The following NKAIN2 variants were observed in gnomAD, a reference collection of about 807,000 sequenced individuals.
NKAIN2 encodes sodium/potassium transporting ATPase interacting 2.
In NKAIN2, 14 loss-of-function variants were observed where a neutral mutation model predicts 32.6. The observed-to-expected ratio is 0.43, with a 90% CI of 0.28 to 0.67. NKAIN2 has a LOEUF of 0.67. Among genes scored for constraint, NKAIN2 ranks in the 30% least tolerant of loss-of-function variants. The pLI is 0.17. For synonymous variants in NKAIN2, 80 were observed against 87.2 expected (o/e 0.92, Z 0.46); for missense variants, 198 against 258.3 (o/e 0.77, Z 1.60).
At chr6:123,833,690 C>CTTGTGT (rs1774480734) in intron 1 of NKAIN2, among the ~76,000 whole-genome samples, 1 of 76,100 alleles carries the variant, frequency 1.3e-5, no homozygotes, top group Non-Finnish European at 2.7e-5. Flanking sequence ...AATTTTTTTT[C>CTTGTGT]CTGTGTGTGT....
chr6:124,413,408 T>A (rs1487330908), intron 3 of NKAIN2, among the ~76,000 whole-genome samples: 1 of 152,172 alleles, frequency 6.6e-6, no homozygotes, highest in African/African-American at 2.4e-5. Flanking sequence ...GTAGGTCTAT[T>A]TGATCTCACT....
intron 1 of NKAIN2, among the ~76,000 whole-genome samples, chr6:123,968,691 A>G (rs1390573182): frequency 3.3e-5 from 5 of 152,110 alleles, no homozygotes; most frequent in Non-Finnish European, 1.5e-5. Context: ...AACTTATATC[A>G]TTGCCTGAAG....
rs559528669 is a variant in NKAIN2 at position 124,215,177 on chromosome 6, T to G, written c.55-67828T>G. ...AAAGAGCACTTTAGAACTCAAATAT[T>G]TGGCCATTTATATTTTAAAAATCAA... is the stretch of plus-strand genomic sequence containing the variant. On this transcript the variant is annotated intron_variant, in intron 1 of 6. Transcript: ENST00000368417. Among the ~76,000 whole-genome samples the G allele has an allele frequency of 5.3e-5, 8 of 152,266 alleles. No individual in the cohort carries two copies. The South Asian group carries it at 1.2e-3, about 24-fold the overall frequency.
intron 3 of NKAIN2, among the ~76,000 whole-genome samples, chr6:124,554,277 G>A (rs1022913446): frequency 5.9e-5 from 9 of 152,256 alleles, no homozygotes; most frequent in African/African-American, 1.4e-4. Flanking sequence ...CAGACATTTC[G>A]TAGAAGACTT....
At chr6:124,515,376 G>C (rs1778864291) in intron 3 of NKAIN2, among the ~76,000 whole-genome samples, 1 of 151,954 alleles carries the variant, frequency 6.6e-6, no homozygotes. Context: ...AGGGGATTCT[G>C]GTTGTTTAAA....
At chr6:124,573,134 C>T (rs574683974) in intron 3 of NKAIN2, among the ~76,000 whole-genome samples, 1 of 152,164 alleles carries the variant, frequency 6.6e-6, no homozygotes, top group Non-Finnish European at 1.5e-5. Context: ...GCCACCACGC[C>T]CGGCCAAAAA....
chr6:124,175,063 A>G lies in NKAIN2; in HGVS notation c.55-107942A>G, dbSNP rs551155887. 1.2e-4 allele frequency among the ~76,000 whole-genome samples: 18 copies of G among 152,316 alleles called. No homozygotes were observed. The East Asian group carries it at 3.1e-3, about 26-fold the overall frequency. On this transcript the variant is annotated intron_variant, in intron 1 of 6. Coordinates refer to ENST00000368417, the MANE Select transcript of NKAIN2 (RefSeq NM_001040214.3). ...TAAAATAAGGCCATTTTCAGTTGTA[A>G]TAATAAATAGAAAGTGTGTTTTTAA...
chr6:124,078,786 T>TGTG (rs1783815294), intron 1 of NKAIN2, among the ~76,000 whole-genome samples: 28 of 144,734 alleles, frequency 1.9e-4, no homozygotes, highest in African/African-American at 6.7e-4. Context: ...TATGTCGTTT[T>TGTG]TGTGTGTGTG....
intron 3 of NKAIN2, among the ~76,000 whole-genome samples, chr6:124,474,905 TTATATAC>T (rs1188492216): frequency 1.4e-5 from 2 of 146,968 alleles, no homozygotes; most frequent in Non-Finnish European, 3.0e-5. Flanking sequence ...ATGTATCATA[TTATATAC>T]TATATATGTA....
intron 2 of NKAIN2, among the ~76,000 whole-genome samples, chr6:124,321,548 T>G (rs555660500): frequency 1.3e-5 from 2 of 152,290 alleles, no homozygotes; most frequent in Non-Finnish European, 2.9e-5. Context: ...AGGAACCTCT[T>G]TTATATTCCT....
At chr6:124,092,666 G>A (rs979729607) in intron 1 of NKAIN2, among the ~76,000 whole-genome samples, 2 of 151,830 alleles carry the variant, frequency 1.3e-5, no homozygotes, top group African/African-American at 2.4e-5. Flanking sequence ...TCTTGATGGG[G>A]TAAGATGATA....
chr6:123,876,775 T>A (rs1773191168), intron 1 of NKAIN2, among the ~76,000 whole-genome samples: 1 of 152,244 alleles, frequency 6.6e-6, no homozygotes, highest in Admixed American at 6.5e-5. Context: ...GGCCATCTGC[T>A]TTTCTCAGTC....
intron 1 of NKAIN2, among the ~76,000 whole-genome samples, chr6:124,150,072 C>T (rs569693456): frequency 7.2e-5 from 11 of 152,282 alleles, no homozygotes; most frequent in African/African-American, 2.6e-4. Flanking sequence ...ATTCCTTGCG[C>T]TCTGCCTCAG....
At chr6:124,487,700 C>A (rs1300338781) in intron 3 of NKAIN2, among the ~76,000 whole-genome samples, 1 of 152,014 alleles carries the variant, frequency 6.6e-6, no homozygotes, top group Non-Finnish European at 1.5e-5. Context: ...CTTTATATTT[C>A]TTATTTCCTG....
intron 4 of NKAIN2, among the ~76,000 whole-genome samples, chr6:124,763,131 T>A (rs1262149631): frequency 6.6e-6 from 1 of 152,090 alleles, no homozygotes; most frequent in Non-Finnish European, 1.5e-5. Context: ...AAAATGGGGT[T>A]GGGGGAAAGC....
chr6:124,286,817 G>T (rs1795577966), intron 2 of NKAIN2, among the ~76,000 whole-genome samples: 1 of 152,018 alleles, frequency 6.6e-6, no homozygotes, highest in South Asian at 2.1e-4. Context: ...AAGTAGCTGG[G>T]ACTACAGGCG....
At chr6:124,430,548 G>A (rs528187676) in intron 3 of NKAIN2, among the ~76,000 whole-genome samples, 1 of 152,102 alleles carries the variant, frequency 6.6e-6, no homozygotes, top group East Asian at 1.9e-4. Flanking sequence ...AAATAGCCAG[G>A]GGCTGAAACA....
chr6:123,903,075 C>T (rs1236301711), intron 1 of NKAIN2, among the ~76,000 whole-genome samples: 1 of 152,142 alleles, frequency 6.6e-6, no homozygotes, highest in Non-Finnish European at 1.5e-5. Context: ...GTAGTAACAG[C>T]AATGAATTAT....
chr6:124,819,965 ATC>A (rs1781325313), intron 6 of NKAIN2, among the ~76,000 whole-genome samples: 1 of 152,144 alleles, frequency 6.6e-6, no homozygotes. Context: ...AACAAACATC[ATC>A]TTTTTTCCAA....
Sources: allele counts gnomAD v4.1 joint callset (sites outside exome capture counted in the v4.1 genomes callset), GRCh38; gene constraint gnomAD v4.1.1; transcripts MANE v1.5; gene names NCBI Gene and HGNC (gene_info 2026-07-23, HGNC 2026-07-21).